Variants in MDGA2 observed in about 807,000 individuals in gnomAD.
MDGA2 encodes MAM domain containing glycosylphosphatidylinositol anchor 2, also known as MAM domain-containing glycosylphosphatidylinositol anchor protein 2.
A neutral mutation model predicts 117.8 loss-of-function variants in MDGA2; 40 were observed. That is an observed-to-expected ratio of 0.34 (90% confidence interval 0.26 to 0.44). The LOEUF (loss-of-function observed/expected upper bound fraction) is 0.44, where lower values mean the gene tolerates loss of function less well. Among genes scored for constraint, MDGA2 ranks in the 20% least tolerant of loss-of-function variants. The probability of loss-of-function intolerance (pLI) is 1.00; values close to 1 mark genes in which losing one functional copy is unlikely to be tolerated. For missense variants in MDGA2, 1,123 were observed against 1,250.6 expected (o/e 0.90, Z 1.54); for synonymous variants, 452 against 439.0 (o/e 1.03, Z -0.37).
intron 6 of MDGA2, among the ~76,000 whole-genome samples, chr14:47,075,552 T>C (rs139887638): frequency 2.6e-5 from 4 of 152,294 alleles, no homozygotes; most frequent in African/African-American, 9.6e-5. Flanking sequence ...TCGTATTTTG[T>C]CAAGATAAAA....
Position 47,489,401 on chromosome 14 carries a change from CAAAA to C in MDGA2, c.280+185112_280+185115del, listed in dbSNP as rs200534004. On this transcript the variant is annotated intron_variant, in intron 1 of 16. Transcript: ENST00000399232. ...ATGTTTTATCCCTGAACATCGTACT[CAAAA>C]ATTGACAGCTAATTAAACTAACTGA... Among the ~76,000 whole-genome samples the C allele has an allele frequency of 4.6e-4, 70 of 152,076 alleles. 1 individual carries two copies. The East Asian group carries it at 0.011, about 24-fold the overall frequency.
At chr14:47,449,608 G>A (rs1333392410) in intron 1 of MDGA2, among the ~76,000 whole-genome samples, 2 of 152,006 alleles carry the variant, frequency 1.3e-5, no homozygotes, top group Non-Finnish European at 1.5e-5. Flanking sequence ...TAAAACTATA[G>A]CTAGAGAGAG....
At chr14:47,249,159 A>G (rs541550417) in intron 2 of MDGA2, among the ~76,000 whole-genome samples, 1 of 152,000 alleles carries the variant, frequency 6.6e-6, no homozygotes, top group African/African-American at 2.4e-5. Context: ...ATGGGACTAC[A>G]GGCACGCACC....
rs1438915323 is a variant in MDGA2 at position 46,845,875 on chromosome 14, C to G, written c.2884-4G>C. Reference sequence around the variant, plus strand: ...CTCGGATACCTTCAAAAATGAGCTACAAATATGAATGAAACAAACCTAAAT... The same window carrying G: ...CTCGGATACCTTCAAAAATGAGCTAGAAATATGAATGAAACAAACCTAAAT... On this transcript the variant is annotated splice_polypyrimidine_tract_variant and splice_region_variant and intron_variant, in intron 15 of 16. Coordinates refer to ENST00000399232, the MANE Select transcript of MDGA2 (RefSeq NM_001113498.3). 1 of 1,603,174 alleles carries G rather than the reference C, an allele frequency of 6.2e-7. No homozygotes were observed. The highest frequency in any genetic ancestry group is 1.7e-5 in the Admixed American group (1 of 59,872).
At chr14:46,862,690 A>G (rs1595002408) in intron 14 of MDGA2, among the ~76,000 whole-genome samples, 1 of 152,120 alleles carries the variant, frequency 6.6e-6, no homozygotes, top group South Asian at 2.1e-4. Flanking sequence ...ATAATCAGTA[A>G]CACAGACTTA....
chr14:47,235,881 G>A (rs2139587547), intron 2 of MDGA2, among the ~76,000 whole-genome samples: 1 of 152,252 alleles, frequency 6.6e-6, no homozygotes, highest in South Asian at 2.1e-4. Flanking sequence ...GCTGACCCCA[G>A]TGGCTGCTCA....
At chr14:47,466,577 C>T (rs17683262) in intron 1 of MDGA2, among the ~76,000 whole-genome samples, 12,094 of 152,110 alleles carry the variant, frequency 0.08, 625 homozygotes, top group Middle Eastern at 0.22. Flanking sequence ...GCCTCATTTA[C>T]AATACAGGGA....
chr14:46,842,493 A>G (rs538535017), intron 16 of MDGA2, among the ~76,000 whole-genome samples: 21 of 152,330 alleles, frequency 1.4e-4, no homozygotes, highest in African/African-American at 4.6e-4. Context: ...CAACTAGTAG[A>G]TGATCCATGT....
intron 1 of MDGA2, among the ~76,000 whole-genome samples, chr14:47,347,596 ATTGT>A (rs1294569877): frequency 2.0e-5 from 3 of 152,184 alleles, no homozygotes; most frequent in Non-Finnish European, 4.4e-5. Context: ...GTTTTGGAAA[ATTGT>A]TTGTTCAGAT....
intron 8 of MDGA2, among the ~76,000 whole-genome samples, chr14:46,978,869 A>C (rs17640762): frequency 0.14 from 20,570 of 152,176 alleles, 1,965 homozygotes; most frequent in Non-Finnish European, 0.2. Context: ...AGGTCATTTC[A>C]TAGACTTTCA....
intron 6 of MDGA2, among the ~76,000 whole-genome samples, chr14:47,087,828 A>G (rs1890963110): frequency 6.6e-6 from 1 of 150,606 alleles, no homozygotes; most frequent in Non-Finnish European, 1.5e-5. Context: ...AACTACCAAG[A>G]GTCTCAAAGA....
At chr14:47,133,231 T>C (rs1882295757) in intron 4 of MDGA2, among the ~76,000 whole-genome samples, 3 of 151,818 alleles carry the variant, frequency 2.0e-5, no homozygotes, top group African/African-American at 4.8e-5. Context: ...CATAAATCTA[T>C]ATGTTTCTAG....
Position 47,519,887 on chromosome 14 carries a change from G to A in MDGA2, c.280+154630C>T, listed in dbSNP as rs141021805. On this transcript the variant is annotated intron_variant, in intron 1 of 16. Coordinates refer to ENST00000399232, the MANE Select transcript of MDGA2 (RefSeq NM_001113498.3). ...TTCCCCCATCTCAGTATTACTTCAG[G>A]TAAATAAAGTGCACTGAGCTAGAAG... 1.7e-3 allele frequency among the ~76,000 whole-genome samples: 260 copies of A among 152,186 alleles called. 3 individuals carry two copies. Among genetic ancestry groups the A allele is most frequent in the African/African-American group, 6.1e-3 (255 of 41,510 alleles).
At chr14:46,844,825 C>G (rs1202927462) in intron 16 of MDGA2, among the ~76,000 whole-genome samples, 1 of 152,046 alleles carries the variant, frequency 6.6e-6, no homozygotes, top group Non-Finnish European at 1.5e-5. Context: ...GGGCTCTTCC[C>G]CTATGCTCTT....
intron 1 of MDGA2, among the ~76,000 whole-genome samples, chr14:47,646,453 A>C (rs762776345): frequency 1.6e-4 from 25 of 152,182 alleles, no homozygotes; most frequent in Non-Finnish European, 2.5e-4. Context: ...AAAATAGTGG[A>C]AAAGTGATTG....
chr14:47,523,351 A>G (rs1894908091), intron 1 of MDGA2, among the ~76,000 whole-genome samples: 1 of 152,186 alleles, frequency 6.6e-6, no homozygotes, highest in Non-Finnish European at 1.5e-5. Flanking sequence ...GGTTAAATAC[A>G]ATTTAATTGA....
At chr14:46,992,440 T>A (rs1408736186) in intron 8 of MDGA2, among the ~76,000 whole-genome samples, 3 of 152,116 alleles carry the variant, frequency 2.0e-5, no homozygotes, top group African/African-American at 7.2e-5. Flanking sequence ...GTTTTCTTCT[T>A]CCCATAAGGG....
intron 1 of MDGA2, among the ~76,000 whole-genome samples, chr14:47,585,482 T>G (rs1359449637): frequency 6.6e-6 from 1 of 151,932 alleles, no homozygotes; most frequent in Admixed American, 6.6e-5. Flanking sequence ...GAAAGTGCTA[T>G]AAGGATTAAA....
At chr14:47,282,398 G>T (rs1394390488) in intron 2 of MDGA2, among the ~76,000 whole-genome samples, 1 of 152,082 alleles carries the variant, frequency 6.6e-6, no homozygotes, top group Non-Finnish European at 1.5e-5. Flanking sequence ...ATTCAAACAG[G>T]GTAGGGTGTG....
Sources: gnomAD v4.1 joint callset for allele counts (sites outside exome capture counted in the v4.1 genomes callset) on GRCh38, gnomAD v4.1.1 for gene constraint, MANE v1.5 for transcripts, NCBI Gene and HGNC (gene_info 2026-07-23, HGNC 2026-07-21) for gene names.